Variants in MASTL observed in about 807,000 individuals in gnomAD.
MASTL encodes the protein serine/threonine-protein kinase greatwall.
In MASTL, 54 loss-of-function variants were observed where a neutral mutation model predicts 82.5. The ratio of observed to expected loss-of-function variants is 0.65; its 90% CI spans 0.53 to 0.82. The LOEUF is 0.82. Ranked by LOEUF, MASTL falls within the 40% of genes least tolerant of loss-of-function variation. MASTL has a pLI of 0.00. For missense variants in MASTL, 950 were observed against 1,047.8 expected (o/e 0.91, Z 1.29); for synonymous variants, 323 against 368.9 (o/e 0.88, Z 1.43).
In MASTL at chr10:27,170,513, A is replaced by G; in HGVS notation, c.1554A>G (p.Gln518=). Residue 518 remains glutamine (Q), a synonymous_variant, in exon 8 of 12, where the codon CAA becomes CAG. Coordinates refer to ENST00000375940, the MANE Select transcript of MASTL (RefSeq NM_001172303.3). The part of the protein sequence containing the change: ...NIVNSFTDKQ[Q]TPEKLPIPMI... ...TCAATTCTTTTACTGATAAACAACA[A>G]ACACCAGAAAAATTACCTATACCAA... The G allele has an allele frequency of 6.2e-7, 1 of 1,614,066 alleles. No individual in the cohort carries two copies. Among genetic ancestry groups the G allele is most frequent in the Admixed American group, 1.7e-5 (1 of 60,018 alleles).
chr10:27,173,442 T>C (rs2058014432), intron 9 of MASTL, among the ~76,000 whole-genome samples, 183 bp downstream of exon 9: 1 of 152,182 alleles, frequency 6.6e-6, no homozygotes, highest in African/African-American at 2.4e-5. Context: ...GCTGTCCCAC[T>C]CTCTGAATGT....
intron 3 of MASTL, among the ~76,000 whole-genome samples, chr10:27,160,375 C>T (rs2057530122): frequency 6.6e-6 from 1 of 151,660 alleles, no homozygotes; most frequent in African/African-American, 2.4e-5. Flanking sequence ...TTTTGTAGTC[C>T]AACTGATTTA....
upstream of MASTL, chr10:27,155,215 G>T (rs147138292): frequency 1.7e-6 from 1 of 590,018 alleles, no homozygotes; most frequent in South Asian, 2.0e-5. Flanking sequence ...CGCGGTCGCC[G>T]CCCACGAAGA....
rs1356153865 is a variant in MASTL at position 27,187,207 on chromosome 10, G to A, written c.*671G>A. Reference sequence around the variant, plus strand: ...CCCAGCTACTCTGGAGGCTGAGGCAGGAGAATCGCTGGAACCCAGGAGGAG... The same window carrying A: ...CCCAGCTACTCTGGAGGCTGAGGCAAGAGAATCGCTGGAACCCAGGAGGAG... On this transcript the variant is annotated 3_prime_UTR_variant, in exon 12 of 12. Coordinates refer to ENST00000375940, the MANE Select transcript of MASTL (RefSeq NM_001172303.3). Among the ~76,000 whole-genome samples, 1 of 152,046 alleles carries A rather than the reference G, an allele frequency of 6.6e-6. No individual in the cohort carries two copies. The highest frequency in any genetic ancestry group is 1.5e-5 in the Non-Finnish European group (1 of 67,974).
At position 27,170,894 on chromosome 10, in the gene MASTL, G is replaced by A. The variant is rs767592505; in HGVS notation, c.1935G>A (p.Thr645=). ...GTCCTCCTTTGGAGGTGCTGAAAAC[G>A]TTAGCCTCTAAAAGAAATGCTGTTG... The part of the protein sequence containing the change: ...MLGPPLEVLK[T]LASKRNAVAF... Residue 645 remains threonine (T), a synonymous_variant, in exon 8 of 12, where the codon ACG becomes ACA. Coordinates refer to ENST00000375940, the MANE Select transcript of MASTL (RefSeq NM_001172303.3). 76 of 1,614,048 alleles carry A rather than the reference G, an allele frequency of 4.7e-5. No individual in the cohort carries two copies. Among genetic ancestry groups the A allele is most frequent in the Non-Finnish European group, 5.1e-5 (60 of 1,180,028 alleles).
rs2057774168 is a variant in MASTL at position 27,167,333 on chromosome 10, ATAT to A, written c.984+63_984+65del. 26 of 1,373,276 alleles carry A rather than the reference ATAT, an allele frequency of 1.9e-5. 1 individual carries two copies. The South Asian group carries it at 2.0e-4, about 11-fold the overall frequency. The allele number at this position is 1,373,276 out of a possible 1,614,324, so 85.1% of individuals were successfully genotyped here. On this transcript the variant is annotated intron_variant, in intron 7 of 11. Coordinates refer to ENST00000375940, the MANE Select transcript of MASTL (RefSeq NM_001172303.3). ...TATGTATGTCAAATGAATGTGAGAAATATTATACCTTTTCATATAAATTCCATA... is the reference window on the plus strand; with the variant it reads ...TATGTATGTCAAATGAATGTGAGAAATATACCTTTTCATATAAATTCCATA...
At chr10:27,155,053 G>A (rs2057304567), upstream of MASTL, 1 of 261,128 alleles carries the variant, frequency 3.8e-6, no homozygotes, top group African/African-American at 2.3e-5. Flanking sequence ...GGTCGTGTAT[G>A]GGAGGAGGAC....
chr10:27,171,791 CTTCTT>C (rs1301203607), intron 8 of MASTL, among the ~76,000 whole-genome samples: 3 of 140,662 alleles, frequency 2.1e-5, no homozygotes, highest in African/African-American at 8.0e-5. Context: ...TAGATGATCT[CTTCTT>C]AAGAGAATAA....
chr10:27,154,544 G>T (rs553493548), upstream of MASTL: 3 of 419,550 alleles, frequency 7.2e-6, no homozygotes, highest in South Asian at 2.0e-4. Flanking sequence ...GGGGAGAACA[G>T]CCTTTACCCT....
intron 1 of MASTL, among the ~76,000 whole-genome samples, chr10:27,156,741 A>T (rs754957848): frequency 8.7e-5 from 13 of 149,834 alleles, no homozygotes; most frequent in Non-Finnish European, 1.6e-4. Context: ...GCTGGTCTGG[A>T]GCTCCTGACC....
intron 11 of MASTL, among the ~76,000 whole-genome samples, chr10:27,185,357 G>A (rs898836268): frequency 6.6e-6 from 1 of 152,116 alleles, no homozygotes; most frequent in East Asian, 1.9e-4. Flanking sequence ...GGCAGGGTGG[G>A]CGCGGTGGCT....
intron 9 of MASTL, among the ~76,000 whole-genome samples, chr10:27,174,112 C>T (rs1010221885): frequency 1.3e-5 from 2 of 151,378 alleles, no homozygotes; most frequent in Admixed American, 6.6e-5. Flanking sequence ...CCTAGCACTT[C>T]GGGAGGCCAA....
Position 27,170,756 on chromosome 10 carries a change from T to C in MASTL, c.1797T>C (p.Phe599=), listed in dbSNP as rs1348621233. The change falls in exon 8 of 12, where the codon TTT becomes TTC. Residue 599 remains phenylalanine (F), a synonymous_variant. Coordinates refer to ENST00000375940, the MANE Select transcript of MASTL (RefSeq NM_001172303.3). Reference sequence around the variant, plus strand: ...ATAGAAGCATCAAAGAATCCTCTTTTGAAGAATCAAATATTGAAGATCCAC... The same window carrying C: ...ATAGAAGCATCAAAGAATCCTCTTTCGAAGAATCAAATATTGAAGATCCAC... ...DSDRSIKESS[F]EESNIEDPLI... is the part of the protein sequence containing the mutation. The C allele has an allele frequency of 6.2e-7, 1 of 1,613,902 alleles. No homozygotes were observed. The highest frequency in any genetic ancestry group is 2.2e-5 in the East Asian group (1 of 44,888).
At chr10:27,160,499 C>T (rs1168245784) in intron 3 of MASTL, among the ~76,000 whole-genome samples, 1 of 151,858 alleles carries the variant, frequency 6.6e-6, no homozygotes, top group Non-Finnish European at 1.5e-5. Flanking sequence ...ACCTATAATT[C>T]CAGCACTTTG....
chr10:27,183,059 A>G (rs1208092946), intron 11 of MASTL, among the ~76,000 whole-genome samples: 1 of 152,030 alleles, frequency 6.6e-6, no homozygotes, highest in Admixed American at 6.6e-5. Flanking sequence ...AAACAAATTT[A>G]TTTTCCCTAA....
intron 4 of MASTL, among the ~76,000 whole-genome samples, chr10:27,163,628 T>C (rs2057645262): frequency 6.6e-6 from 1 of 151,884 alleles, no homozygotes. Context: ...ATTTGTTTTT[T>C]TTTTTTTTCT....
At chr10:27,156,554 C>T (rs1208840160) in intron 1 of MASTL, among the ~76,000 whole-genome samples, 1 of 152,092 alleles carries the variant, frequency 6.6e-6, no homozygotes, top group African/African-American at 2.4e-5. Context: ...GGCTGGAGTG[C>T]TGTGGTGCAG....
chr10:27,181,641 A>C, intron 11 of MASTL, 60 bp downstream of exon 11: 1 of 1,297,460 alleles, frequency 7.7e-7, no homozygotes. Context: ...GTGAATATTT[A>C]TAAAAATAGC....
At chr10:27,178,193 A>G (rs2058162030) in intron 9 of MASTL, among the ~76,000 whole-genome samples, 2 of 152,312 alleles carry the variant, frequency 1.3e-5, no homozygotes, top group African/African-American at 4.8e-5. Context: ...GGAGTTCGAG[A>G]CCAGCCTGCC....
Sources: gnomAD v4.1 joint callset for allele counts (sites outside exome capture counted in the v4.1 genomes callset) on GRCh38, gnomAD v4.1.1 for gene constraint, MANE v1.5 for transcripts, NCBI Gene and HGNC (gene_info 2026-07-23, HGNC 2026-07-21) for gene names.